The following DENND11 variants were observed in gnomAD, a reference collection of about 807,000 sequenced individuals.
The protein encoded by DENND11 is DENN domain-containing protein 11.
Under a neutral mutation model 49.2 loss-of-function variants are expected in DENND11, and 34 were observed. The ratio of observed to expected loss-of-function variants is 0.69; its 90% confidence interval spans 0.53 to 0.92. The LOEUF (loss-of-function observed/expected upper bound fraction) is 0.92, where lower values mean the gene tolerates loss of function less well. Ranked by LOEUF, DENND11 falls within the 40% of genes least tolerant of loss-of-function variation. DENND11 has a pLI of 0.00. For synonymous variants in DENND11, 238 were observed against 230.3 expected (o/e 1.03, Z -0.30); for missense variants, 475 against 581.6 (o/e 0.82, Z 1.88).
At chr7:141,685,882 T>C (rs1175131891) in intron 2 of DENND11, among the ~76,000 whole-genome samples, 1 of 152,156 alleles carries the variant, frequency 6.6e-6, no homozygotes, top group Non-Finnish European at 1.5e-5. Context: ...CCCACAATCA[T>C]GGACACATCT....
At chr7:141,696,995 C>T (rs1200588518) in intron 1 of DENND11, among the ~76,000 whole-genome samples, 1 of 152,254 alleles carries the variant, frequency 6.6e-6, no homozygotes, top group African/African-American at 2.4e-5. Flanking sequence ...TATGCCAATC[C>T]ATGGCTGAAT....
chr7:141,675,746 A>C (rs1798053148), intron 3 of DENND11, among the ~76,000 whole-genome samples: 1 of 152,208 alleles, frequency 6.6e-6, no homozygotes, highest in South Asian at 2.1e-4. Context: ...TCTTATGTCA[A>C]AGTGATGACA....
chr7:141,666,395 AC>A lies in DENND11; in HGVS notation c.711del (p.Gln237HisfsTer3). The A allele has an allele frequency of 6.2e-7, 1 of 1,609,460 alleles. No individual in the cohort carries two copies. Among genetic ancestry groups the A allele is most frequent in the Non-Finnish European group, 8.5e-7 (1 of 1,176,366 alleles). On this transcript the variant is annotated frameshift_variant, in exon 5 of 9. Transcript: ENST00000536163. LOFTEE classifies it high-confidence loss of function. ...KITHPAGCMS[Q>X]FIKFFGEQIL... ...ATCTGTTCTCCAAAGAACTTTATAA[AC>A]TGAGACATGCAGCCAGCTGGGTGTG... is the stretch of plus-strand genomic sequence containing the variant.
chr7:141,670,273 G>GGT (rs1042283960), intron 4 of DENND11, among the ~76,000 whole-genome samples: 1 of 151,826 alleles, frequency 6.6e-6, no homozygotes, highest in Non-Finnish European at 1.5e-5. Flanking sequence ...TTTATGTCTG[G>GGT]GTGTGTGTGT....
intron 3 of DENND11, among the ~76,000 whole-genome samples, chr7:141,680,941 T>C (rs1047916947): frequency 1.3e-5 from 2 of 152,130 alleles, no homozygotes; most frequent in Non-Finnish European, 2.9e-5. Context: ...TTCTTCATTA[T>C]AGCAACTTAG....
chr7:141,667,201 G>A (rs756584403), intron 4 of DENND11, among the ~76,000 whole-genome samples: 3 of 152,082 alleles, frequency 2.0e-5, no homozygotes, highest in Admixed American at 6.5e-5. Flanking sequence ...GATTACAGGC[G>A]TGAGCCACCA....
rs1244925555 is a variant in DENND11, at chr7:141,660,086, C to T, written c.*2570G>A. 1 of 152,120 alleles carries T rather than the reference C, an allele frequency of 6.6e-6. No homozygotes were observed. The highest frequency in any genetic ancestry group is 1.9e-4 in the East Asian group (1 of 5,178). The allele number at this position is 152,120 out of a possible 1,614,324, so 9.4% of individuals were successfully genotyped here. ...GGCTTCGAAAGGTGATTTCCGAAGC[C>T]ACAGGCTCCACTTCATAGCCCAGGC... On this transcript the variant is annotated 3_prime_UTR_variant, in exon 9 of 9. Coordinates refer to ENST00000536163, the MANE Select transcript of DENND11 (RefSeq NM_001080392.2).
At position 141,664,975 on chromosome 7, in the gene DENND11, G is replaced by A. The variant is rs62641750; in HGVS notation, c.1032C>T (p.His344=). The A allele has an allele frequency of 4.3e-4, 700 of 1,613,820 alleles. 5 individuals carry two copies. The African/African-American group carries it at 7.8e-3, about 18-fold the overall frequency. The change falls in exon 7 of 9, where the codon CAC becomes CAT. Residue 344 remains histidine (H), a synonymous_variant. Coordinates refer to ENST00000536163, the MANE Select transcript of DENND11 (RefSeq NM_001080392.2). The part of the protein sequence containing the change: ...YVDNQNVKTH[H]DHLQPLLKIN... The stretch of plus-strand genomic sequence containing the variant: ...TCTTCAGCAGCGGCTGCAGGTGGTC[G>A]TGGTGTGTCTTCACATTCTGGTTAT...
chr7:141,699,850 G>C (rs939785138), intron 1 of DENND11, among the ~76,000 whole-genome samples: 1 of 152,092 alleles, frequency 6.6e-6, no homozygotes, highest in Non-Finnish European at 1.5e-5. Context: ...TAAAATGCCT[G>C]CACAAAATGT....
In DENND11 at chr7:141,660,382, G is replaced by A. The variant is rs934503383; in HGVS notation, c.*2274C>T. 1 of 152,200 alleles carries A rather than the reference G, an allele frequency of 6.6e-6. No individual in the cohort carries two copies. The highest frequency in any genetic ancestry group is 1.5e-5 in the Non-Finnish European group (1 of 68,076). The allele number at this position is 152,200 out of a possible 1,614,324, so 9.4% of individuals were successfully genotyped here. The stretch of plus-strand genomic sequence containing the variant: ...ACCCATACCCTGGCCCTCTGCATGA[G>A]CAGGAGGGTGGACACGTGGAGATGT... On this transcript the variant is annotated 3_prime_UTR_variant, in exon 9 of 9. Coordinates refer to ENST00000536163, the MANE Select transcript of DENND11 (RefSeq NM_001080392.2).
intron 5 of DENND11, 79 bp from the exon 6 acceptor site, chr7:141,665,397 C>T: frequency 1.9e-6 from 3 of 1,566,282 alleles, no homozygotes; most frequent in Middle Eastern, 1.9e-4. Flanking sequence ...GGCTCAACAC[C>T]TCTGCTCCAG....
intron 1 of DENND11, among the ~76,000 whole-genome samples, chr7:141,697,470 A>T (rs1798433846): frequency 6.6e-6 from 1 of 152,202 alleles, no homozygotes; most frequent in African/African-American, 2.4e-5. Flanking sequence ...AAGGATGGCG[A>T]CATGACAGAG....
intron 8 of DENND11, chr7:141,663,661 G>A (rs1797840650): frequency 6.6e-6 from 1 of 152,638 alleles, no homozygotes; most frequent in Non-Finnish European, 1.5e-5. Context: ...AGGAAGCTGG[G>A]AGAATTCAGT....
At chr7:141,678,913 T>A (rs549687942) in intron 3 of DENND11, among the ~76,000 whole-genome samples, 1 of 152,332 alleles carries the variant, frequency 6.6e-6, no homozygotes, top group South Asian at 2.1e-4. Flanking sequence ...CTAATTTAAT[T>A]TTTTAAATTA....
intron 3 of DENND11, among the ~76,000 whole-genome samples, chr7:141,682,500 A>G (rs1798163291): frequency 6.6e-6 from 1 of 152,248 alleles, no homozygotes; most frequent in Admixed American, 6.5e-5. Flanking sequence ...ATGAGAAGTG[A>G]GATATGTAAA....
Position 141,660,692 on chromosome 7 carries a change from C to T in DENND11, c.*1964G>A, listed in dbSNP as rs979118925. The T allele has an allele frequency of 6.6e-6, 1 of 152,440 alleles. No individual in the cohort carries two copies. The highest frequency in any genetic ancestry group is 6.5e-5 in the Admixed American group (1 of 15,276). 9.4% of individuals were successfully genotyped at this position (152,440 alleles called of 1,614,324 possible). Reference sequence around the variant, plus strand: ...CACTTCTACTCCTGCCTCTAACCACCTACCCCCAGCTTAAAACACCCTGAA... The same window carrying T: ...CACTTCTACTCCTGCCTCTAACCACTTACCCCCAGCTTAAAACACCCTGAA... On this transcript the variant is annotated 3_prime_UTR_variant, in exon 9 of 9. Coordinates refer to ENST00000536163, the MANE Select transcript of DENND11 (RefSeq NM_001080392.2).
intron 1 of DENND11, 73 bp from the exon 2 acceptor site, chr7:141,686,731 C>T: frequency 1.0e-6 from 1 of 999,308 alleles, no homozygotes; most frequent in South Asian, 1.4e-5. Context: ...CAGGGCTTAG[C>T]ACACATGGCT....
At chr7:141,688,578 A>T (rs1245135817) in intron 1 of DENND11, among the ~76,000 whole-genome samples, 2 of 152,250 alleles carry the variant, frequency 1.3e-5, no homozygotes, top group African/African-American at 4.8e-5. Flanking sequence ...AGGGTCAAAG[A>T]TAAGAAAAAG....
intron 3 of DENND11, among the ~76,000 whole-genome samples, chr7:141,674,512 T>C (rs1457859674): frequency 6.6e-6 from 1 of 152,164 alleles, no homozygotes; most frequent in Non-Finnish European, 1.5e-5. Flanking sequence ...CTATGACTAA[T>C]GTCTATTGTT....
Sources: gnomAD v4.1 joint callset for allele counts (sites outside exome capture counted in the v4.1 genomes callset) on GRCh38, gnomAD v4.1.1 for gene constraint, MANE v1.5 for transcripts, NCBI Gene and HGNC (gene_info 2026-07-23, HGNC 2026-07-21) for gene names.